The following XIRP2 variants were observed in gnomAD, a reference collection of about 807,000 sequenced individuals.
The protein encoded by XIRP2 is xin actin-binding repeat-containing protein 2.
Under a neutral mutation model 277.0 loss-of-function variants are expected in XIRP2, and 236 were observed. The observed-to-expected ratio is 0.85, with a 90% CI of 0.77 to 0.95. The LOEUF is 0.95. Among genes scored for constraint, XIRP2 ranks in the 40% least tolerant of loss-of-function variants. The pLI is 0.00. For missense variants in XIRP2, 4,640 were observed against 4,157.5 expected (o/e 1.12, Z -3.19); for synonymous variants, 1,490 against 1,416.5 (o/e 1.05, Z -1.17).
intron 4 of XIRP2, among the ~76,000 whole-genome samples, chr2:167,213,393 C>A (rs770520823): frequency 1.3e-5 from 2 of 152,154 alleles, no homozygotes; most frequent in Non-Finnish European, 2.9e-5. Context: ...GTCTGTCCAA[C>A]TCCCAAAATT....
chr2:166,890,095 A>G (rs1421757496), intron 1 of XIRP2, among the ~76,000 whole-genome samples: 1 of 151,944 alleles, frequency 6.6e-6, no homozygotes, highest in East Asian at 1.9e-4. Context: ...TCCCAGGTTC[A>G]AGCGATTCTC....
intron 2 of XIRP2, among the ~76,000 whole-genome samples, chr2:166,979,369 CTTT>C (rs66909002): frequency 1.4e-4 from 15 of 108,502 alleles, no homozygotes; most frequent in East Asian, 2.7e-4. Flanking sequence ...CTTTTCTTTT[CTTT>C]TTTTTTTTTT....
chr2:167,242,746 T>A lies in XIRP2; in HGVS notation c.1354T>A (p.Phe452Ile). 1 of 1,613,998 alleles carries A rather than the reference T, an allele frequency of 6.2e-7. No homozygotes were observed. The highest frequency in any genetic ancestry group is 8.5e-7 in the Non-Finnish European group (1 of 1,179,900). ...NATSSGMTEE[F>I]PPPPPDVLQT... ...TACTTCTTCAGGAATGACAGAAGAA[T>A]TTCCTCCTCCCCCACCTGACGTACT... Residue 452 changes from phenylalanine (F) to isoleucine (I), a missense_variant, in exon 9 of 11, where the codon TTT (phenylalanine) becomes ATT (isoleucine). Physicochemically the swap from Phe to Ile is conservative, Grantham distance 21. Coordinates refer to ENST00000409195, the MANE Select transcript of XIRP2 (RefSeq NM_152381.6).
chr2:167,041,417 A>G (rs1397386597), intron 2 of XIRP2, among the ~76,000 whole-genome samples: 6 of 152,172 alleles, frequency 3.9e-5, no homozygotes, highest in Admixed American at 3.9e-4. Flanking sequence ...AATCCATGAA[A>G]CCTAAGGAAT....
At chr2:167,126,934 G>A (rs907289522) in intron 2 of XIRP2, among the ~76,000 whole-genome samples, 12 of 152,086 alleles carry the variant, frequency 7.9e-5, no homozygotes, top group South Asian at 4.1e-4. Flanking sequence ...TGTAATGAGC[G>A]TTCAATACCT....
chr2:166,952,150 T>C (rs1186276969), intron 2 of XIRP2, among the ~76,000 whole-genome samples: 1 of 151,980 alleles, frequency 6.6e-6, no homozygotes, highest in Non-Finnish European at 1.5e-5. Flanking sequence ...CCAAATTTTA[T>C]GGCTTCATAT....
chr2:167,150,489 G>T (rs543336826), intron 3 of XIRP2, among the ~76,000 whole-genome samples: 435 of 152,056 alleles, frequency 2.9e-3, no homozygotes, highest in African/African-American at 9.4e-3. Context: ...GAAAAAAATG[G>T]ATACAGTTTA....
At chr2:167,134,735 A>G (rs1310745099) in intron 2 of XIRP2, among the ~76,000 whole-genome samples, 1 of 152,212 alleles carries the variant, frequency 6.6e-6, no homozygotes, top group Non-Finnish European at 1.5e-5. Context: ...AGAGATTCAC[A>G]ACAATAACTC....
chr2:167,099,559 A>G (rs1413863777), intron 2 of XIRP2, among the ~76,000 whole-genome samples: 1 of 87,906 alleles, frequency 1.1e-5, no homozygotes, highest in Non-Finnish European at 2.0e-5. Context: ...CTGGGGTATG[A>G]AAAAAAACCA....
intron 3 of XIRP2, among the ~76,000 whole-genome samples, chr2:167,152,740 C>G (rs186191478): frequency 5.8e-4 from 88 of 152,150 alleles, no homozygotes; most frequent in African/African-American, 2.0e-3. Flanking sequence ...GGTGAGCAGT[C>G]ATTATAATAA....
Position 167,039,935 on chromosome 2 carries a change from C to T in XIRP2, c.409-95974C>T, listed in dbSNP as rs1179781624. Among the ~76,000 whole-genome samples the T allele has an allele frequency of 1.3e-5, 2 of 152,040 alleles. 1 individual carries two copies. The highest frequency in any genetic ancestry group is 3.9e-4 in the East Asian group (2 of 5,190). Reference sequence around the variant, plus strand: ...ACTAATGAGCCAAAAAATCAATATACATACATGCTAACTGCAGCACTTTTT... The same window carrying T: ...ACTAATGAGCCAAAAAATCAATATATATACATGCTAACTGCAGCACTTTTT... On this transcript the variant is annotated intron_variant, in intron 2 of 10. Coordinates refer to ENST00000409195, the MANE Select transcript of XIRP2 (RefSeq NM_152381.6).
chr2:166,973,679 C>T (rs1686632865), intron 2 of XIRP2, among the ~76,000 whole-genome samples: 1 of 152,172 alleles, frequency 6.6e-6, no homozygotes, highest in African/African-American at 2.4e-5. Context: ...AGTCCCCCAC[C>T]TTAACCTACT....
intron 2 of XIRP2, among the ~76,000 whole-genome samples, chr2:166,997,316 C>G (rs1243995029): frequency 3.3e-5 from 5 of 151,992 alleles, no homozygotes; most frequent in African/African-American, 1.2e-4. Flanking sequence ...CACAAAAATC[C>G]TCAGCTTATA....
At chr2:166,908,705 A>C (rs535915391) in intron 2 of XIRP2, among the ~76,000 whole-genome samples, 1 of 152,260 alleles carries the variant, frequency 6.6e-6, no homozygotes, top group Non-Finnish European at 1.5e-5. Context: ...CTATGTCCTG[A>C]ATGGTATAGC....
At chr2:167,252,127 C>CATTCTGTTCAGTT (rs1695530170) in intron 9 of XIRP2, among the ~76,000 whole-genome samples, 180 bp downstream of exon 9, 1 of 151,916 alleles carries the variant, frequency 6.6e-6, no homozygotes, top group African/African-American at 2.4e-5. Context: ...ACATTCTTTT[C>CATTCTGTTCAGTT]ACAAAAGCAT....
At chr2:166,964,414 T>C (rs959795327) in intron 2 of XIRP2, among the ~76,000 whole-genome samples, 2 of 151,830 alleles carry the variant, frequency 1.3e-5, no homozygotes, top group African/African-American at 4.8e-5. Flanking sequence ...TTTTAAGAAA[T>C]GTCAGTGCTG....
At chr2:167,189,983 A>G (rs1230512219) in intron 3 of XIRP2, among the ~76,000 whole-genome samples, 4 of 152,198 alleles carry the variant, frequency 2.6e-5, no homozygotes, top group Non-Finnish European at 4.4e-5. Flanking sequence ...ATTGGCTAGA[A>G]TGGCTCACAG....
intron 2 of XIRP2, among the ~76,000 whole-genome samples, chr2:167,104,371 T>A (rs1690561706): frequency 6.6e-6 from 1 of 152,152 alleles, no homozygotes; most frequent in Non-Finnish European, 1.5e-5. Flanking sequence ...CAACCCATCA[T>A]AACAATTTTA....
At chr2:166,970,690 T>A (rs1686555591) in intron 2 of XIRP2, among the ~76,000 whole-genome samples, 1 of 151,946 alleles carries the variant, frequency 6.6e-6, no homozygotes, top group South Asian at 2.1e-4. Flanking sequence ...TAAATCATGA[T>A]CTTAGGTAGA....
Sources: allele counts gnomAD v4.1 joint callset (sites outside exome capture counted in the v4.1 genomes callset), GRCh38; gene constraint gnomAD v4.1.1; transcripts MANE v1.5; gene names NCBI Gene and HGNC (gene_info 2026-07-23, HGNC 2026-07-21).